Variants in FRYL observed in about 807,000 individuals in gnomAD.
The protein encoded by FRYL is FRY like transcription coactivator.
A neutral mutation model predicts 351.2 loss-of-function variants in FRYL; 150 were observed. The observed-to-expected ratio is 0.43, with a 90% CI of 0.37 to 0.49. FRYL has a LOEUF of 0.49. FRYL is among the 20% of genes least tolerant of loss of function. The probability of loss-of-function intolerance (pLI) is 0.00; values close to 1 mark genes in which losing one functional copy is unlikely to be tolerated. For synonymous variants in FRYL, 1,153 were observed against 1,257.1 expected (o/e 0.92, Z 1.75); for missense variants, 3,036 against 3,619.3 (o/e 0.84, Z 4.13).
chr4:48,655,382 A>G (rs1201753256), intron 3 of FRYL, among the ~76,000 whole-genome samples: 1 of 152,124 alleles, frequency 6.6e-6, no homozygotes, highest in Non-Finnish European at 1.5e-5. Flanking sequence ...ATTTCTCCTC[A>G]TATAATGGAA....
intron 7 of FRYL, among the ~76,000 whole-genome samples, chr4:48,616,514 G>A (rs1160506888): frequency 2.6e-5 from 4 of 152,050 alleles, no homozygotes; most frequent in African/African-American, 9.7e-5. Context: ...ATAATAACTT[G>A]CCCAAAGTTA....
chr4:48,554,451 T>C (rs1733623758), intron 35 of FRYL, among the ~76,000 whole-genome samples: 1 of 152,006 alleles, frequency 6.6e-6, no homozygotes, highest in Admixed American at 6.5e-5. Context: ...CAATTCCCCC[T>C]GCGTCAGCCT....
At chr4:48,597,269 G>C (rs768619118) in intron 13 of FRYL, among the ~76,000 whole-genome samples, 9 of 152,186 alleles carry the variant, frequency 5.9e-5, no homozygotes, top group Admixed American at 1.3e-4. Context: ...GAAATGAATA[G>C]GCAAAGCATG....
intron 58 of FRYL, 59 bp downstream of exon 58, chr4:48,510,776 T>G: frequency 7.7e-7 from 1 of 1,299,982 alleles, no homozygotes; most frequent in Non-Finnish European, 1.1e-6. Flanking sequence ...AAAAAAAGAC[T>G]TACTGAATGA....
At chr4:48,583,252 C>T (rs1329250156) in intron 19 of FRYL, among the ~76,000 whole-genome samples, 6 of 151,742 alleles carry the variant, frequency 4.0e-5, no homozygotes, top group African/African-American at 1.2e-4. Context: ...TCTGGGTTCA[C>T]GCCATTCTCC....
intron 1 of FRYL, among the ~76,000 whole-genome samples, chr4:48,735,895 G>A (rs1479117135): frequency 2.7e-5 from 3 of 110,994 alleles, no homozygotes; most frequent in Admixed American, 2.0e-4. Flanking sequence ...TGGGTGCAGC[G>A]CACCAGCATG....
chr4:48,602,022 T>C lies in FRYL; in HGVS notation c.1033A>G (p.Lys345Glu). Residue 345 changes from lysine (K) to glutamate (E), a missense_variant and splice_region_variant, in exon 13 of 64, where the codon AAG becomes GAG. Around this residue, in one of 7 missense-constraint regions of FRYL, gnomAD observed 457 missense variants for 566.6 expected, o/e 0.81. Transcript: ENST00000358350. Reference sequence around the variant, plus strand: ...TCAGAAGTGTGATTACATCTTACCTTTAAATGTGACAAACAGTTCTGTAGG... The same window carrying C: ...TCAGAAGTGTGATTACATCTTACCTCTAAATGTGACAAACAGTTCTGTAGG... ...IFLQNCLSHL[K>E]NKDPKMSRVA... is the part of the protein sequence containing the mutation. The C allele has an allele frequency of 6.5e-7, 1 of 1,529,692 alleles. No homozygotes were observed. Among genetic ancestry groups the C allele is most frequent in the Non-Finnish European group, 9.0e-7 (1 of 1,105,046 alleles). The allele number at this position is 1,529,692 out of a possible 1,614,324, so 94.8% of individuals were successfully genotyped here. A position where few individuals can be genotyped will look rare whatever the true frequency, so the allele number is the denominator to read the frequency against.
At chr4:48,656,861 T>C (rs1237679336) in intron 3 of FRYL, among the ~76,000 whole-genome samples, 1 of 152,012 alleles carries the variant, frequency 6.6e-6, no homozygotes, top group Non-Finnish European at 1.5e-5. Flanking sequence ...AGAAAGCAGG[T>C]GACTATGGCA....
At chr4:48,630,238 C>A (rs2149354070) in intron 4 of FRYL, among the ~76,000 whole-genome samples, 1 of 152,200 alleles carries the variant, frequency 6.6e-6, no homozygotes, top group South Asian at 2.1e-4. Flanking sequence ...ACTGGACTTC[C>A]AATCAACTGT....
chr4:48,541,219 C>A (rs1161385296), intron 45 of FRYL, among the ~76,000 whole-genome samples: 1 of 152,146 alleles, frequency 6.6e-6, no homozygotes, highest in Non-Finnish European at 1.5e-5. Context: ...CTATAGTAAT[C>A]GCTAACAACG....
chr4:48,656,435 T>C (rs1425880799), intron 3 of FRYL, among the ~76,000 whole-genome samples: 1 of 46,136 alleles, frequency 2.2e-5, no homozygotes. Flanking sequence ...TGTATAATCA[T>C]GTGTGTATAA....
At chr4:48,755,877 A>G (rs569491632) in intron 1 of FRYL, among the ~76,000 whole-genome samples, 82 of 152,168 alleles carry the variant, frequency 5.4e-4, no homozygotes, top group African/African-American at 1.8e-3. Flanking sequence ...ATTTATTGCA[A>G]CTTAAGTTTA....
chr4:48,550,842 G>A, intron 37 of FRYL, 138 bp from the exon 38 acceptor site: 2 of 649,568 alleles, frequency 3.1e-6, no homozygotes, highest in Non-Finnish European at 5.4e-6. Flanking sequence ...GGGAGGCCAA[G>A]GCAGGAGGAT....
rs57457069 is a variant in FRYL, at chr4:48,525,163, G to GTA, written c.7318-2061_7318-2060dup. Among the ~76,000 whole-genome samples, 339 of 139,856 alleles carry GTA rather than the reference G, an allele frequency of 2.4e-3. 4 individuals are homozygous for GTA. Among genetic ancestry groups the GTA allele is most frequent in the African/African-American group, 8.9e-3 (314 of 35,256 alleles). The allele number at this position is 139,856 out of a possible 152,430, so 91.8% of individuals were successfully genotyped here. ...ATTCTTGCAACTTTTATTTTTAAAG[G>GTA]TATATATATATATATATATATATAT... On this transcript the variant is annotated intron_variant, in intron 53 of 63. Coordinates refer to ENST00000358350, the MANE Select transcript of FRYL (RefSeq NM_015030.2).
At chr4:48,673,336 T>C (rs1209539657) in intron 3 of FRYL, among the ~76,000 whole-genome samples, 1 of 151,910 alleles carries the variant, frequency 6.6e-6, no homozygotes, top group African/African-American at 2.4e-5. Flanking sequence ...ACCAAAAAAG[T>C]ACATGTTCTT....
rs1158900736 is a variant in FRYL at position 48,498,014 on chromosome 4, G to C, written c.*1408C>G. On this transcript the variant is annotated 3_prime_UTR_variant, in exon 64 of 64. Transcript: ENST00000358350. ...AAAAGAAAAGTCACAGTGGATAAGA[G>C]ATGTATATAAAAAATACAAGGTGTT... 6.6e-6 allele frequency: 1 copy of C among 151,344 alleles called. No homozygotes were observed. Among genetic ancestry groups the C allele is most frequent in the Non-Finnish European group, 1.5e-5 (1 of 67,828 alleles). The allele number at this position is 151,344 out of a possible 1,614,324, so 9.4% of individuals were successfully genotyped here. A position where few individuals can be genotyped will look rare whatever the true frequency, so the allele number is the denominator to read the frequency against.
intron 19 of FRYL, 123 bp from the exon 20 acceptor site, chr4:48,582,857 T>C (rs1560655325): frequency 7.3e-6 from 5 of 689,204 alleles, no homozygotes; most frequent in Admixed American, 2.4e-5. Context: ...AATATGAAGA[T>C]AGCAACCAAT....
intron 19 of FRYL, among the ~76,000 whole-genome samples, chr4:48,584,217 C>CA (rs1741593964): frequency 6.6e-6 from 1 of 152,066 alleles, no homozygotes. Flanking sequence ...ACAAATGTAT[C>CA]AGAGTTAGAA....
rs1762667150 is a variant in FRYL, at chr4:48,671,544, G to T, written c.-81+13129C>A. Among the ~76,000 whole-genome samples the T allele has an allele frequency of 3.9e-5, 6 of 152,210 alleles. No individual in the cohort carries two copies. The Middle Eastern group carries it at 0.014, about 345-fold the overall frequency. On this transcript the variant is annotated intron_variant, in intron 3 of 63. Coordinates refer to ENST00000358350, the MANE Select transcript of FRYL (RefSeq NM_015030.2). Reference sequence around the variant, plus strand: ...TAGCTGGGTGTGATAGCGCATGCCTGTAACCCCAGCTACTCGGGAGGCTGA... The same window carrying T: ...TAGCTGGGTGTGATAGCGCATGCCTTTAACCCCAGCTACTCGGGAGGCTGA...
Sources: gnomAD v4.1 joint callset for allele counts (sites outside exome capture counted in the v4.1 genomes callset) on GRCh38, gnomAD v4.1.1 for gene constraint, gnomAD v4.1.1 regional missense constraint, MANE v1.5 for transcripts, NCBI Gene and HGNC (gene_info 2026-07-23, HGNC 2026-07-21) for gene names.